The following SORL1 variants were observed in gnomAD, a reference collection of about 807,000 sequenced individuals.
The protein encoded by SORL1 is sortilin-related receptor.
Under a neutral mutation model 273.7 loss-of-function variants are expected in SORL1, and 127 were observed. The observed-to-expected ratio is 0.46, with a 90% CI of 0.40 to 0.54. SORL1 has a LOEUF of 0.54. Among genes scored for constraint, SORL1 ranks in the 20% least tolerant of loss-of-function variants. The pLI, the probability that SORL1 is intolerant of heterozygous loss-of-function variation, is 0.00. For synonymous variants in SORL1, 1,031 were observed against 1,067.4 expected (o/e 0.97, Z 0.66); for missense variants, 2,494 against 2,846.1 (o/e 0.88, Z 2.81).
At chr11:121,582,727 T>TGAGA (rs1863030733) in intron 25 of SORL1, among the ~76,000 whole-genome samples, 5 of 152,366 alleles carry the variant, frequency 3.3e-5, no homozygotes, top group Admixed American at 2.6e-4. Context: ...CACATATTAT[T>TGAGA]GGCTGGTAGA....
At chr11:121,618,324 T>C (rs1055657694) in intron 41 of SORL1, among the ~76,000 whole-genome samples, 1 of 152,118 alleles carries the variant, frequency 6.6e-6, no homozygotes, top group African/African-American at 2.4e-5. Flanking sequence ...CCTGGGGTGT[T>C]CGCATCCACT....
In SORL1 at chr11:121,555,259, G is replaced by A. The variant is rs1862560725; in HGVS notation, c.2512G>A (p.Ala838Thr). ...TGGCCTGGAGACAGTAGAAGCTTTG[G>A]CTTTTGAACCCCTCAGCCAGCTGCT... is the stretch of plus-strand genomic sequence containing the variant. Reference protein sequence around the residue: ...NSGLETVEALAFEPLSQLLYW... With the variant: ...NSGLETVEALTFEPLSQLLYW... Residue 838 changes from alanine (A) to threonine (T), a missense_variant, in exon 18 of 48, where the codon GCT becomes ACT. Around this residue, in one of 3 missense-constraint regions of SORL1, gnomAD observed 1,609 missense variants for 1,816.4 expected, o/e 0.89. Transcript: ENST00000260197. 2 of 1,614,124 alleles carry A rather than the reference G, an allele frequency of 1.2e-6. No homozygotes were observed. The highest frequency in any genetic ancestry group is 1.7e-6 in the Non-Finnish European group (2 of 1,179,964).
At chr11:121,568,185 T>C (rs1054056720) in intron 22 of SORL1, among the ~76,000 whole-genome samples, 1 of 152,218 alleles carries the variant, frequency 6.6e-6, no homozygotes, top group African/African-American at 2.4e-5. Context: ...CTGTGCCTAC[T>C]CTATTTGCTT....
rs114051200 is a variant in SORL1 at position 121,548,923 on chromosome 11, C to T, written c.2052-1037C>T. The stretch of plus-strand genomic sequence containing the variant: ...AATGTGTTCTGGTAGAGCACATGAA[C>T]GTGGAATATATGTTCTGTTCTATAA... On this transcript the variant is annotated intron_variant, in intron 14 of 47. Transcript: ENST00000260197. Among the ~76,000 whole-genome samples, 305 of 152,246 alleles carry T rather than the reference C, an allele frequency of 2.0e-3. 1 individual carries two copies. The highest frequency in any genetic ancestry group is 6.5e-3 in the African/African-American group (269 of 41,548).
chr11:121,468,769 G>A (rs1861126606), intron 1 of SORL1, among the ~76,000 whole-genome samples: 1 of 152,186 alleles, frequency 6.6e-6, no homozygotes, highest in South Asian at 2.1e-4. Context: ...TTTCCACAGA[G>A]TGGGTGGAAT....
At chr11:121,479,198 C>G (rs573041529) in intron 3 of SORL1, among the ~76,000 whole-genome samples, 1 of 152,226 alleles carries the variant, frequency 6.6e-6, no homozygotes, top group South Asian at 2.1e-4. Flanking sequence ...AAGCGTTGAC[C>G]CTGGGCCCCC....
chr11:121,603,751 T>C (rs1233673146), intron 32 of SORL1, among the ~76,000 whole-genome samples: 1 of 152,238 alleles, frequency 6.6e-6, no homozygotes, highest in African/African-American at 2.4e-5. Flanking sequence ...AAACTAATAA[T>C]AGTAGCAGAA....
intron 31 of SORL1, among the ~76,000 whole-genome samples, chr11:121,593,107 C>T (rs937795314): frequency 1.3e-5 from 2 of 152,170 alleles, no homozygotes; most frequent in African/African-American, 4.8e-5. Flanking sequence ...GATGAATGCT[C>T]ATGTCCTCCC....
At chr11:121,580,405 A>C (rs949035093) in intron 25 of SORL1, among the ~76,000 whole-genome samples, 7 of 152,146 alleles carry the variant, frequency 4.6e-5, no homozygotes, top group Non-Finnish European at 7.3e-5. Context: ...AGCTAACTCT[A>C]ATCTGCTGTT....
chr11:121,626,023 C>G (rs1162535442), intron 46 of SORL1, among the ~76,000 whole-genome samples: 2 of 152,288 alleles, frequency 1.3e-5, no homozygotes, highest in South Asian at 4.1e-4. Context: ...TGGCACCCCC[C>G]ACTAAGAGAG....
chr11:121,532,122 C>T (rs1185731529), intron 11 of SORL1, among the ~76,000 whole-genome samples: 1 of 152,164 alleles, frequency 6.6e-6, no homozygotes, highest in Non-Finnish European at 1.5e-5. Context: ...GAACTGAAAC[C>T]CCAGTTACTT....
intron 1 of SORL1, among the ~76,000 whole-genome samples, chr11:121,459,053 G>A (rs138601321): frequency 3.2e-3 from 489 of 152,268 alleles, no homozygotes; most frequent in African/African-American, 0.011. Flanking sequence ...CTTCCTGGCC[G>A]CGTCCTGGAC....
At chr11:121,470,145 G>A (rs1246138571) in intron 2 of SORL1, 22 bp downstream of exon 2, 1 of 1,512,242 alleles carries the variant, frequency 6.6e-7, no homozygotes, top group Non-Finnish European at 9.2e-7. Flanking sequence ...GTTGGCTCTG[G>A]GCACACCTTG....
intron 16 of SORL1, among the ~76,000 whole-genome samples, chr11:121,551,337 A>G (rs1468959045): frequency 1.3e-5 from 2 of 152,230 alleles, no homozygotes; most frequent in East Asian, 1.9e-4. Flanking sequence ...ACTATTTTAG[A>G]TAATCATTAT....
chr11:121,576,028 C>G (rs1862924859), intron 24 of SORL1, among the ~76,000 whole-genome samples: 1 of 152,222 alleles, frequency 6.6e-6, no homozygotes, highest in African/African-American at 2.4e-5. Flanking sequence ...ACTAGCTTTG[C>G]CATCAACAAG....
intron 1 of SORL1, among the ~76,000 whole-genome samples, chr11:121,462,339 A>G (rs1861013118): frequency 6.6e-6 from 1 of 152,078 alleles, no homozygotes; most frequent in South Asian, 2.1e-4. Flanking sequence ...GCCCTGCCTT[A>G]GGTCTGGGTC....
At chr11:121,562,821 A>G (rs989946559) in intron 21 of SORL1, among the ~76,000 whole-genome samples, 1 of 152,230 alleles carries the variant, frequency 6.6e-6, no homozygotes, top group Admixed American at 6.5e-5. Context: ...CGAACCTTCT[A>G]TCTCTGAAAT....
At chr11:121,490,494 C>T (rs1055622580) in intron 5 of SORL1, among the ~76,000 whole-genome samples, 2 of 152,052 alleles carry the variant, frequency 1.3e-5, no homozygotes, top group African/African-American at 4.8e-5. Context: ...AATCCCAGCA[C>T]TTTGGGAGGC....
At chr11:121,626,857 G>A (rs1277317061) in intron 46 of SORL1, 5 of 152,272 alleles carry the variant, frequency 3.3e-5, no homozygotes, top group Non-Finnish European at 7.3e-5. Context: ...CTTTGCCCTA[G>A]AGCCCTGGTG....
Sources: gnomAD v4.1 joint callset for allele counts (sites outside exome capture counted in the v4.1 genomes callset) on GRCh38, gnomAD v4.1.1 for gene constraint, gnomAD v4.1.1 regional missense constraint, MANE v1.5 for transcripts, NCBI Gene and HGNC (gene_info 2026-07-23, HGNC 2026-07-21) for gene names.